CPQ: variants seen among roughly 807,000 people sequenced by gnomAD.
CPQ encodes the protein carboxypeptidase Q.
A neutral mutation model predicts 45.7 loss-of-function variants in CPQ; 37 were observed. The observed-to-expected ratio is 0.81, with a 90% CI of 0.62 to 1.07. The LOEUF (loss-of-function observed/expected upper bound fraction) is 1.07. Ranked by LOEUF, CPQ falls within the 50% of genes least tolerant of loss-of-function variation. The probability of loss-of-function intolerance (pLI) is 0.00; values close to 1 mark genes in which losing one functional copy is unlikely to be tolerated. For missense variants in CPQ, 537 were observed against 572.9 expected (o/e 0.94, Z 0.64); for synonymous variants, 186 against 205.8 (o/e 0.90, Z 0.82).
At chr8:96,670,416 G>A (rs1017115169) in intron 1 of CPQ, among the ~76,000 whole-genome samples, 4 of 151,112 alleles carry the variant, frequency 2.6e-5, no homozygotes, top group Admixed American at 6.6e-5. Context: ...ATTTTAGTGA[G>A]TAGGCAAATT....
chr8:97,049,840 TG>T (rs1362241123), intron 6 of CPQ, among the ~76,000 whole-genome samples: 1 of 152,214 alleles, frequency 6.6e-6, no homozygotes, highest in African/African-American at 2.4e-5. Flanking sequence ...AGTGAAGCAT[TG>T]GCATTAAGGT....
chr8:97,039,732 T>G (rs1810080607), intron 6 of CPQ, among the ~76,000 whole-genome samples: 1 of 150,420 alleles, frequency 6.6e-6, no homozygotes, highest in Non-Finnish European at 1.5e-5. Context: ...GAACATGTGG[T>G]GTTTGGTTTT....
intron 1 of CPQ, among the ~76,000 whole-genome samples, chr8:96,768,053 T>G (rs1297927946): frequency 1.3e-5 from 2 of 152,130 alleles, no homozygotes; most frequent in Non-Finnish European, 1.5e-5. Flanking sequence ...CCAAGTATCT[T>G]CCTAATTCCT....
chr8:96,854,403 C>T (rs1309592790), intron 3 of CPQ, among the ~76,000 whole-genome samples: 3 of 148,130 alleles, frequency 2.0e-5, no homozygotes, highest in African/African-American at 5.0e-5. Context: ...TAGTGGCGGG[C>T]GCCTGTAGTC....
At chr8:96,798,765 A>G (rs907523566) in intron 2 of CPQ, among the ~76,000 whole-genome samples, 3 of 151,946 alleles carry the variant, frequency 2.0e-5, no homozygotes, top group Admixed American at 6.6e-5. Flanking sequence ...TTGTTCTTTC[A>G]TCTCTACTTT....
intron 1 of CPQ, among the ~76,000 whole-genome samples, chr8:96,752,583 T>C (rs536568750): frequency 6.6e-6 from 1 of 152,204 alleles, no homozygotes; most frequent in African/African-American, 2.4e-5. Flanking sequence ...ACAAAGATAA[T>C]TTGACTTCCT....
chr8:96,815,259 G>C (rs748673780), intron 2 of CPQ, among the ~76,000 whole-genome samples: 1 of 152,006 alleles, frequency 6.6e-6, no homozygotes, highest in Non-Finnish European at 1.5e-5. Flanking sequence ...TGAATTAGGG[G>C]AAGTAGAGAA....
At chr8:96,735,097 A>G (rs910309068) in intron 1 of CPQ, among the ~76,000 whole-genome samples, 6 of 152,028 alleles carry the variant, frequency 3.9e-5, no homozygotes, top group African/African-American at 9.7e-5. Context: ...GTATGTTTTT[A>G]TATCAAACAG....
intron 2 of CPQ, among the ~76,000 whole-genome samples, chr8:96,814,782 G>T (rs1188480224): frequency 6.6e-6 from 1 of 152,106 alleles, no homozygotes; most frequent in Non-Finnish European, 1.5e-5. Flanking sequence ...CTGATGCATA[G>T]ATTTTTAAAA....
chr8:97,074,850 T>C (rs1244946881), intron 7 of CPQ, among the ~76,000 whole-genome samples: 1 of 151,972 alleles, frequency 6.6e-6, no homozygotes, highest in Non-Finnish European at 1.5e-5. Context: ...GGTGTCCCTG[T>C]GGGGCCGGAA....
intron 6 of CPQ, among the ~76,000 whole-genome samples, chr8:97,040,275 T>C (rs1810094720): frequency 6.6e-6 from 1 of 152,250 alleles, no homozygotes; most frequent in African/African-American, 2.4e-5. Context: ...TCTGCATAAA[T>C]GTCTTCTTTT....
At chr8:96,671,242 G>A (rs1243822021) in intron 1 of CPQ, among the ~76,000 whole-genome samples, 1 of 152,032 alleles carries the variant, frequency 6.6e-6, no homozygotes, top group Non-Finnish European at 1.5e-5. Flanking sequence ...TTCCTGCTTC[G>A]TTCTCAGCAT....
intron 2 of CPQ, among the ~76,000 whole-genome samples, chr8:96,818,450 GA>G (rs1029992817): frequency 2.0e-5 from 3 of 152,022 alleles, no homozygotes; most frequent in Non-Finnish European, 4.4e-5. Context: ...GACATGAAGT[GA>G]ACAACTGCTC....
chr8:96,717,006 G>C (rs1809682942), intron 1 of CPQ, among the ~76,000 whole-genome samples: 1 of 124,948 alleles, frequency 8.0e-6, no homozygotes, highest in African/African-American at 3.1e-5. Flanking sequence ...TTATGGCTGA[G>C]CAGTATTCCA....
At chr8:96,883,587 T>C (rs534929297) in intron 4 of CPQ, among the ~76,000 whole-genome samples, 1 of 152,302 alleles carries the variant, frequency 6.6e-6, no homozygotes, top group South Asian at 2.1e-4. Flanking sequence ...GGTTGCGTTT[T>C]GTGGAGGGAA....
At chr8:96,995,679 A>C (rs1403455191) in intron 5 of CPQ, among the ~76,000 whole-genome samples, 3 of 151,312 alleles carry the variant, frequency 2.0e-5, no homozygotes, top group Non-Finnish European at 4.4e-5. Flanking sequence ...TAAAAAAAAA[A>C]CACTTCTATT....
At chr8:96,716,921 A>G (rs1230332061) in intron 1 of CPQ, among the ~76,000 whole-genome samples, 2 of 148,058 alleles carry the variant, frequency 1.4e-5, no homozygotes, top group African/African-American at 2.5e-5. Context: ...ACACACACAT[A>G]CACACACACA....
At chr8:96,872,225 A>G (rs1457906888) in intron 3 of CPQ, among the ~76,000 whole-genome samples, 5 of 151,964 alleles carry the variant, frequency 3.3e-5, no homozygotes, top group Non-Finnish European at 7.4e-5. Flanking sequence ...CCTTATATAC[A>G]TAACCTAAAG....
At chr8:97,026,703 T>A (rs1323445105) in intron 5 of CPQ, among the ~76,000 whole-genome samples, 2 of 152,214 alleles carry the variant, frequency 1.3e-5, no homozygotes, top group Non-Finnish European at 2.9e-5. Context: ...GGCTTGTTAG[T>A]CTTTTTAGGG....
Sources: allele counts gnomAD v4.1 joint callset (sites outside exome capture counted in the v4.1 genomes callset), GRCh38; gene constraint gnomAD v4.1.1; transcripts MANE v1.5; gene names NCBI Gene and HGNC (gene_info 2026-07-23, HGNC 2026-07-21).